VWA3A: variants seen among roughly 807,000 people sequenced by gnomAD.
The protein encoded by VWA3A is von Willebrand factor A domain containing 3A, also known as von Willebrand factor A domain-containing protein 3A.
VWA3A carries 134 observed loss-of-function variants against 160.4 expected under a neutral mutation model. The observed-to-expected ratio is 0.84, with a 90% confidence interval of 0.73 to 0.96. The LOEUF (loss-of-function observed/expected upper bound fraction) is 0.96. Ranked by LOEUF, VWA3A falls within the 40% of genes least tolerant of loss-of-function variation. The pLI, the probability that VWA3A is intolerant of heterozygous loss-of-function variation, is 0.00. For synonymous variants in VWA3A, 476 were observed against 543.4 expected (o/e 0.88, Z 1.72); for missense variants, 1,310 against 1,447.9 (o/e 0.90, Z 1.55).
chr16:22,106,316 C>T (rs2045482352), intron 6 of VWA3A, among the ~76,000 whole-genome samples: 1 of 152,052 alleles, frequency 6.6e-6, no homozygotes, highest in African/African-American at 2.4e-5. Context: ...ACCCAGGAGG[C>T]AGAGGTTGCA....
intron 23 of VWA3A, among the ~76,000 whole-genome samples, chr16:22,141,000 C>G (rs915500121): frequency 6.6e-6 from 1 of 152,196 alleles, no homozygotes. Context: ...GCCAGCCCAT[C>G]TGCTAAGATT....
Position 22,148,158 on chromosome 16 carries a change from G to C in VWA3A, c.2840-4G>C. On this transcript the variant is annotated splice_polypyrimidine_tract_variant and splice_region_variant and intron_variant, in intron 27 of 33. Transcript: ENST00000389398. ...CTGCCTCTTCCCCACCTGTCTCGGA[G>C]CAGGGAGCCGCCGACTGTTTGGCAC... 3.1e-6 allele frequency: 5 copies of C among 1,596,392 alleles called. No individual in the cohort carries two copies. The highest frequency in any genetic ancestry group is 4.3e-6 in the Non-Finnish European group (5 of 1,171,674).
chr16:22,131,582 C>T lies in VWA3A; in HGVS notation c.1728-3C>T. On this transcript the variant is annotated splice_region_variant and splice_polypyrimidine_tract_variant and intron_variant, in intron 18 of 33. Transcript: ENST00000389398. ...CTCAGCATGGCCATCTCTGCCTCCGCAGGTGGGCCCTGAACCTGCGGTGTC... is the reference window on the plus strand; with the variant it reads ...CTCAGCATGGCCATCTCTGCCTCCGTAGGTGGGCCCTGAACCTGCGGTGTC... 1 of 1,611,388 alleles carries T rather than the reference C, an allele frequency of 6.2e-7. No individual in the cohort carries two copies. The highest frequency in any genetic ancestry group is 1.7e-5 in the Admixed American group (1 of 59,722).
chr16:22,144,362 T>C lies in VWA3A; in HGVS notation c.2708T>C (p.Ile903Thr). The change falls in exon 26 of 34, where the codon ATC (isoleucine) becomes ACC (threonine). Residue 903 changes from isoleucine (I) to threonine (T), a missense_variant. Coordinates refer to ENST00000389398, the MANE Select transcript of VWA3A (RefSeq NM_173615.5). ...QRSASAKHCS[I>T]FPSVEIHGVV... ...TCAGCATCCGCCAAACACTGCAGCA[T>C]CTTCCCCAGCGTTGAGATCCATGTA... is the stretch of plus-strand genomic sequence containing the variant. 6.2e-7 allele frequency: 1 copy of C among 1,613,870 alleles called. No individual in the cohort carries two copies. The highest frequency in any genetic ancestry group is 8.5e-7 in the Non-Finnish European group (1 of 1,179,872).
chr16:22,124,002 C>T (rs1048172615), intron 16 of VWA3A, among the ~76,000 whole-genome samples: 4 of 151,834 alleles, frequency 2.6e-5, no homozygotes, highest in African/African-American at 7.3e-5. Context: ...TAGTGAGACC[C>T]TGTCTCTACA....
chr16:22,124,796 T>TG (rs2045813333), intron 16 of VWA3A, among the ~76,000 whole-genome samples: 1 of 152,100 alleles, frequency 6.6e-6, no homozygotes, highest in Non-Finnish European at 1.5e-5. Flanking sequence ...AGAGGTTTTG[T>TG]GACTTGCCTA....
chr16:22,145,493 G>T (rs1054983271), intron 26 of VWA3A, among the ~76,000 whole-genome samples: 1 of 152,010 alleles, frequency 6.6e-6, no homozygotes, highest in Non-Finnish European at 1.5e-5. Flanking sequence ...ACAAAAATTA[G>T]CCAGGCATGG....
At chr16:22,145,683 A>C (rs959129659) in intron 26 of VWA3A, among the ~76,000 whole-genome samples, 6 of 151,788 alleles carry the variant, frequency 4.0e-5, no homozygotes, top group African/African-American at 1.5e-4. Flanking sequence ...TTTTATTAAT[A>C]TAGCAACTGC....
chr16:22,107,671 A>G (rs1200507827), intron 6 of VWA3A, among the ~76,000 whole-genome samples: 1 of 152,200 alleles, frequency 6.6e-6, no homozygotes, highest in East Asian at 1.9e-4. Context: ...ACTTGAGCCC[A>G]GGAGTTCCAG....
At chr16:22,117,531 T>C (rs2045668209) in intron 11 of VWA3A, among the ~76,000 whole-genome samples, 1 of 152,230 alleles carries the variant, frequency 6.6e-6, no homozygotes, top group Non-Finnish European at 1.5e-5. Context: ...GCACTAAGTC[T>C]GAATTGCCTC....
intron 3 of VWA3A, among the ~76,000 whole-genome samples, chr16:22,098,356 G>A (rs1247291717): frequency 2.0e-5 from 3 of 152,196 alleles, no homozygotes; most frequent in Non-Finnish European, 4.4e-5. Flanking sequence ...CTTAGGTTCT[G>A]GCACTTACAG....
intron 1 of VWA3A, among the ~76,000 whole-genome samples, chr16:22,096,182 G>A (rs1479044097): frequency 1.3e-5 from 2 of 152,120 alleles, no homozygotes; most frequent in Admixed American, 6.5e-5. Context: ...AGAATGATCC[G>A]GTCCAAGAGT....
chr16:22,109,239 G>A (rs923805329), intron 6 of VWA3A, among the ~76,000 whole-genome samples: 8 of 152,138 alleles, frequency 5.3e-5, no homozygotes, highest in African/African-American at 1.9e-4. Context: ...CATAAGATTA[G>A]ACAATAAATA....
intron 19 of VWA3A, 41 bp from the exon 20 acceptor site, chr16:22,132,859 C>A (rs371712979): frequency 2.5e-6 from 4 of 1,583,730 alleles, no homozygotes; most frequent in Non-Finnish European, 3.4e-6. Flanking sequence ...AGCTTCAAGG[C>A]CCTCAGCTGC....
At chr16:22,109,675 C>A in intron 7 of VWA3A, 95 bp downstream of exon 7, 1 of 998,464 alleles carries the variant, frequency 1.0e-6, no homozygotes, top group Non-Finnish European at 1.5e-6. Flanking sequence ...ATAGCAAATG[C>A]AAGATAGGGT....
chr16:22,156,079 A>G lies in VWA3A; in HGVS notation c.*62A>G. 1 of 726,340 alleles carries G rather than the reference A, an allele frequency of 1.4e-6. No homozygotes were observed. Among genetic ancestry groups the G allele is most frequent in the East Asian group, 2.7e-5 (1 of 36,542 alleles). 45.0% of individuals were successfully genotyped at this position (726,340 alleles called of 1,614,324 possible). A position where few individuals can be genotyped will look rare whatever the true frequency, so the allele number is the denominator to read the frequency against. ...ACTCACTGAGCAAATCTCAGCCCCG[A>G]GGGCAGGATGGGATGAAATGCTGTG... is the stretch of plus-strand genomic sequence containing the variant. On this transcript the variant is annotated 3_prime_UTR_variant, in exon 34 of 34. Coordinates refer to ENST00000389398, the MANE Select transcript of VWA3A (RefSeq NM_173615.5).
chr16:22,115,279 A>G (rs1287763965), intron 8 of VWA3A, 68 bp from the exon 9 acceptor site: 1 of 1,479,582 alleles, frequency 6.8e-7, no homozygotes, highest in African/African-American at 1.4e-5. Context: ...TTATCTCTAA[A>G]AAGAAATTAA....
At chr16:22,137,467 C>G (rs1265406413) in intron 21 of VWA3A, among the ~76,000 whole-genome samples, 1 of 152,208 alleles carries the variant, frequency 6.6e-6, no homozygotes, top group Non-Finnish European at 1.5e-5. Flanking sequence ...TGAAGTTTCT[C>G]TACACACTGA....
chr16:22,108,274 T>C (rs1258871131), intron 6 of VWA3A, among the ~76,000 whole-genome samples: 1 of 152,186 alleles, frequency 6.6e-6, no homozygotes, highest in African/African-American at 2.4e-5. Context: ...CCTGTTTGTA[T>C]GGTGATGGAA....
Sources: allele counts gnomAD v4.1 joint callset (sites outside exome capture counted in the v4.1 genomes callset), GRCh38; gene constraint gnomAD v4.1.1; transcripts MANE v1.5; gene names NCBI Gene and HGNC (gene_info 2026-07-23, HGNC 2026-07-21).